Variants in BIRC6 observed in about 807,000 individuals in gnomAD.
The protein encoded by BIRC6 is baculoviral IAP repeat containing 6, also known as dual E2 ubiquitin-conjugating enzyme/E3 ubiquitin-protein ligase BIRC6.
In BIRC6, 98 loss-of-function variants were observed where a neutral mutation model predicts 503.3. That is an observed-to-expected ratio of 0.19 (90% CI 0.17 to 0.23). The LOEUF (loss-of-function observed/expected upper bound fraction) is 0.23, where lower values mean the gene tolerates loss of function less well. BIRC6 is among the 10% of genes least tolerant of loss of function. The pLI is 1.00. For synonymous variants in BIRC6, 2,240 were observed against 2,078.7 expected (o/e 1.08, Z -2.11); for missense variants, 5,360 against 5,806.0 (o/e 0.92, Z 2.50).
intron 23 of BIRC6, among the ~76,000 whole-genome samples, chr2:32,460,494 C>G (rs2047773734): frequency 6.6e-6 from 1 of 151,174 alleles, no homozygotes; most frequent in Admixed American, 6.6e-5. Context: ...TCAGGCTGGT[C>G]TCGAATTCCG....
chr2:32,413,154 C>T (rs538404897), intron 9 of BIRC6, among the ~76,000 whole-genome samples: 2 of 150,354 alleles, frequency 1.3e-5, no homozygotes, highest in South Asian at 4.2e-4. Context: ...GGACTACAGG[C>T]ATGTGCCACC....
rs369335211 is a variant in BIRC6 at position 32,608,675 on chromosome 2, C to T, written c.14259+1032C>T. ...CAGGTGATCCACCTGCCTTGGCCTC[C>T]CAAAGTGCTGGGATTACAAGCGTGA... is the stretch of plus-strand genomic sequence containing the variant. On this transcript the variant is annotated intron_variant, in intron 72 of 73. Transcript: ENST00000421745. Among the ~76,000 whole-genome samples, 5 of 152,150 alleles carry T rather than the reference C, an allele frequency of 3.3e-5. No individual in the cohort carries two copies. The East Asian group carries it at 7.8e-4, about 24-fold the overall frequency.
At chr2:32,485,501 C>T (rs551860522) in intron 39 of BIRC6, 142 bp from the exon 40 acceptor site, 20 of 557,674 alleles carry the variant, frequency 3.6e-5, no homozygotes, top group Admixed American at 2.8e-4. Context: ...GCTGTGGCTC[C>T]GATACTGCAT....
At chr2:32,467,775 CTA>C in intron 27 of BIRC6, 36 bp downstream of exon 27, 1 of 1,551,022 alleles carries the variant, frequency 6.4e-7, no homozygotes. Flanking sequence ...GATACGCTTT[CTA>C]TGTTTCTGAC....
chr2:32,441,787 A>G (rs950351654), intron 17 of BIRC6, among the ~76,000 whole-genome samples: 1 of 152,184 alleles, frequency 6.6e-6, no homozygotes, highest in African/African-American at 2.4e-5. Context: ...CAGGAGTTTG[A>G]GTCCAGCCTG....
intron 65 of BIRC6, among the ~76,000 whole-genome samples, chr2:32,569,730 G>A (rs922580041): frequency 6.6e-6 from 1 of 151,472 alleles, no homozygotes; most frequent in Non-Finnish European, 1.5e-5. Context: ...TTAATCCTTG[G>A]CTAGATGATT....
chr2:32,401,419 T>A (rs1214773990), intron 7 of BIRC6, 34 bp downstream of exon 7: 2 of 1,612,030 alleles, frequency 1.2e-6, no homozygotes, highest in South Asian at 1.1e-5. Flanking sequence ...AAATTAGTAA[T>A]TGAAAAAAGA....
intron 65 of BIRC6, chr2:32,574,848 A>G (rs934463871): frequency 1.6e-5 from 6 of 370,604 alleles, no homozygotes; most frequent in Admixed American, 4.0e-5. Flanking sequence ...TCCCAGGTTC[A>G]AACAGTTCTC....
At chr2:32,470,101 A>G (rs2048958705) in intron 30 of BIRC6, 67 bp from the exon 31 acceptor site, 1 of 1,250,790 alleles carries the variant, frequency 8.0e-7, no homozygotes, top group Non-Finnish European at 1.0e-6. Flanking sequence ...TTCTATGTAA[A>G]TTATTTTAAA....
intron 73 of BIRC6, among the ~76,000 whole-genome samples, chr2:32,612,147 C>A (rs1261939456): frequency 6.6e-6 from 1 of 152,194 alleles, no homozygotes; most frequent in Non-Finnish European, 1.5e-5. Context: ...GAATTATAGG[C>A]ATGAGCAACC....
chr2:32,515,233 A>G lies in BIRC6; in HGVS notation c.10812A>G (p.Ala3604=). 6.2e-7 allele frequency: 1 copy of G among 1,613,920 alleles called. No homozygotes were observed. The highest frequency in any genetic ancestry group is 8.5e-7 in the Non-Finnish European group (1 of 1,179,886). The change falls in exon 55 of 74, where the codon GCA becomes GCG. Residue 3604 remains alanine, a synonymous_variant. Transcript: ENST00000421745. Reference sequence around the variant, plus strand: ...CTAAAAATGCACAAGCACCTCTCGCATTAACTGAATCACATTTGGCTACCC... The same window carrying G: ...CTAAAAATGCACAAGCACCTCTCGCGTTAACTGAATCACATTTGGCTACCC... ...DDSKNAQAPL[A]LTESHLATLA...
chr2:32,369,926 TAAAAAAAAAA>T lies in BIRC6; in HGVS notation c.326-7651_326-7642del, dbSNP rs756693528. 4.8e-3 allele frequency among the ~76,000 whole-genome samples: 181 copies of T among 37,754 alleles called. 2 individuals carry two copies. Among genetic ancestry groups the T allele is most frequent in the Middle Eastern group, 0.042 (2 of 48 alleles). The allele number at this position is 37,754 out of a possible 152,430, so 24.8% of individuals were successfully genotyped here. ...GGCAACATAGTGAGACCCTGTCTCTTAAAAAAAAAAAAAAAAAAAATATATATATATATAT... is the reference window on the plus strand; with the variant it reads ...GGCAACATAGTGAGACCCTGTCTCTTAAAAAAAAAATATATATATATATAT... On this transcript the variant is annotated intron_variant, in intron 1 of 73. Coordinates refer to ENST00000421745, the MANE Select transcript of BIRC6 (RefSeq NM_016252.4).
chr2:32,500,366 G>T (rs1300315377), intron 46 of BIRC6, among the ~76,000 whole-genome samples: 1 of 151,058 alleles, frequency 6.6e-6, no homozygotes, highest in Non-Finnish European at 1.5e-5. Context: ...CAATTCTCGT[G>T]CCTCAGCCAC....
At chr2:32,454,062 A>G in intron 23 of BIRC6, 120 bp downstream of exon 23, 1 of 866,422 alleles carries the variant, frequency 1.2e-6, no homozygotes, top group Non-Finnish European at 1.7e-6. Context: ...GTGGAAATTT[A>G]TTTGTGGGAG....
chr2:32,612,853 C>T (rs2062972495), intron 73 of BIRC6, among the ~76,000 whole-genome samples: 2 of 152,146 alleles, frequency 1.3e-5, no homozygotes, highest in Admixed American at 1.3e-4. Context: ...CAGAAAATTT[C>T]CCTAAGCTAG....
At chr2:32,478,940 T>C in intron 36 of BIRC6, 122 bp downstream of exon 36, 1 of 905,540 alleles carries the variant, frequency 1.1e-6, no homozygotes, top group Non-Finnish European at 1.7e-6. Context: ...CATAAAGGTC[T>C]GTTTAATCGG....
intron 66 of BIRC6, among the ~76,000 whole-genome samples, chr2:32,583,493 G>A (rs1375547203): frequency 6.6e-6 from 1 of 152,182 alleles, no homozygotes; most frequent in Non-Finnish European, 1.5e-5. Flanking sequence ...CCATTTCTGA[G>A]ATAGCATTCC....
Position 32,521,461 on chromosome 2 carries a change from T to C in BIRC6, c.11623+2515T>C, listed in dbSNP as rs142693811. 1.7e-3 allele frequency among the ~76,000 whole-genome samples: 248 copies of C among 147,578 alleles called. 2 individuals are homozygous for C. The highest frequency in any genetic ancestry group is 6.0e-3 in the African/African-American group (242 of 40,578). On this transcript the variant is annotated intron_variant, in intron 57 of 73. Coordinates refer to ENST00000421745, the MANE Select transcript of BIRC6 (RefSeq NM_016252.4). ...TGACCTATTATTTTTTCTCTCTCTCTGTTTTTTTTGTTTTTTGTTTTTTGT... is the reference window on the plus strand; with the variant it reads ...TGACCTATTATTTTTTCTCTCTCTCCGTTTTTTTTGTTTTTTGTTTTTTGT...
Position 32,515,703 on chromosome 2 carries a change from A to G in BIRC6, c.11282A>G (p.Asn3761Ser), listed in dbSNP as rs761790731. Residue 3761 changes from asparagine (N) to serine (S), a missense_variant, in exon 55 of 74, where the codon AAT becomes AGT. Physicochemically the swap from Asn to Ser is conservative, Grantham distance 46 (BLOSUM62 1). This residue lies in a region of BIRC6 where 878 missense variants were observed against 928.9 expected (regional missense o/e 0.95). Coordinates refer to ENST00000421745, the MANE Select transcript of BIRC6 (RefSeq NM_016252.4). The stretch of plus-strand genomic sequence containing the variant: ...ACTCAACAGCGCACAGCAATTGAGA[A>G]TGCAACTGTTGCGTTCTTTCTACAG... ...LTTQQRTAIE[N>S]ATVAFFLQCI... 1.2e-6 allele frequency: 2 copies of G among 1,603,904 alleles called. No homozygotes were observed. Among genetic ancestry groups the G allele is most frequent in the African/African-American group, 1.3e-5 (1 of 75,070 alleles).
Sources: gnomAD v4.1 joint callset for allele counts (sites outside exome capture counted in the v4.1 genomes callset) on GRCh38, gnomAD v4.1.1 for gene constraint, gnomAD v4.1.1 regional missense constraint, MANE v1.5 for transcripts, NCBI Gene and HGNC (gene_info 2026-07-23, HGNC 2026-07-21) for gene names.